AGBL4: variants seen among roughly 807,000 people sequenced by gnomAD.
AGBL4 encodes the protein AGBL carboxypeptidase 4.
In AGBL4, 58 loss-of-function variants were observed where a neutral mutation model predicts 66.4. That is an observed-to-expected ratio of 0.87 (90% CI 0.71 to 1.09). AGBL4 has a LOEUF of 1.09. AGBL4 is among the 50% of genes least tolerant of loss of function. The probability of loss-of-function intolerance (pLI) is 0.00; values close to 1 mark genes in which losing one functional copy is unlikely to be tolerated. For synonymous variants in AGBL4, 234 were observed against 222.9 expected (o/e 1.05, Z -0.44); for missense variants, 579 against 631.0 (o/e 0.92, Z 0.88).
chr1:49,796,117 A>G (rs1228026700), intron 2 of AGBL4, among the ~76,000 whole-genome samples: 1 of 151,934 alleles, frequency 6.6e-6, no homozygotes, highest in Admixed American at 6.6e-5. Context: ...TGGGCAAAAG[A>G]TATGAACAGG....
chr1:49,034,100 C>T (rs1380262171), intron 5 of AGBL4, among the ~76,000 whole-genome samples: 1 of 152,066 alleles, frequency 6.6e-6, no homozygotes, highest in Non-Finnish European at 1.5e-5. Context: ...CCAGCAAGCA[C>T]TCCTTTATCT....
chr1:48,692,431 G>A (rs760345777), intron 6 of AGBL4, among the ~76,000 whole-genome samples: 9 of 152,176 alleles, frequency 5.9e-5, no homozygotes, highest in Non-Finnish European at 1.2e-4. Context: ...GGCTGTGCGC[G>A]CCTGTCTGTC....
chr1:49,655,191 T>C (rs185936715), intron 3 of AGBL4, among the ~76,000 whole-genome samples: 1 of 152,312 alleles, frequency 6.6e-6, no homozygotes, highest in East Asian at 1.9e-4. Context: ...CCTTCACTTT[T>C]ATGAAGCTTA....
chr1:49,207,040 T>A (rs1468455230), intron 4 of AGBL4, among the ~76,000 whole-genome samples: 1 of 152,068 alleles, frequency 6.6e-6, no homozygotes, highest in East Asian at 1.9e-4. Context: ...AATGCACTAT[T>A]CTTAGAAGAA....
rs945922810 is a variant in AGBL4, at chr1:49,845,737, G to T, written c.157+5659C>A. On this transcript the variant is annotated intron_variant, in intron 2 of 13. Transcript: ENST00000371839. Reference sequence around the variant, plus strand: ...TGAGCATCAGAGGATTTACACGGGAGAGAAGCCCTATGGATGCAACGAGTG... The same window carrying T: ...TGAGCATCAGAGGATTTACACGGGATAGAAGCCCTATGGATGCAACGAGTG... The T allele has an allele frequency of 1.9e-6, 3 of 1,592,308 alleles. No homozygotes were observed. The Admixed American group carries it at 5.0e-5, about 27-fold the overall frequency.
At chr1:49,010,482 G>C (rs1345174173) in intron 5 of AGBL4, among the ~76,000 whole-genome samples, 32 of 138,796 alleles carry the variant, frequency 2.3e-4, no homozygotes, top group African/African-American at 7.6e-4. Flanking sequence ...TCAATGCCAT[G>C]CCCATCAAGC....
chr1:49,997,437 C>G (rs1175680069), intron 1 of AGBL4, among the ~76,000 whole-genome samples: 1 of 151,986 alleles, frequency 6.6e-6, no homozygotes, highest in African/African-American at 2.4e-5. Context: ...GACTTTAAAG[C>G]AACAGCAGTT....
intron 3 of AGBL4, among the ~76,000 whole-genome samples, chr1:49,309,236 C>G (rs1644902514): frequency 6.6e-6 from 1 of 151,992 alleles, no homozygotes; most frequent in Non-Finnish European, 1.5e-5. Flanking sequence ...CTGTTGATGG[C>G]AATGATTATT....
chr1:48,716,077 G>A (rs1282622189), intron 6 of AGBL4, among the ~76,000 whole-genome samples: 1 of 152,196 alleles, frequency 6.6e-6, no homozygotes, highest in Non-Finnish European at 1.5e-5. Context: ...CAGTCACGGG[G>A]CATATGGAAA....
chr1:49,170,431 T>G (rs1047636408), intron 4 of AGBL4, among the ~76,000 whole-genome samples: 15 of 141,940 alleles, frequency 1.1e-4, no homozygotes, highest in Non-Finnish European at 1.5e-4. Context: ...TATTTATATA[T>G]AAATAAATAT....
intron 6 of AGBL4, among the ~76,000 whole-genome samples, chr1:48,753,823 G>A (rs990698039): frequency 2.6e-5 from 4 of 152,186 alleles, no homozygotes; most frequent in African/African-American, 9.7e-5. Flanking sequence ...GTGAATTACT[G>A]TTATTACTCT....
chr1:49,252,236 A>C (rs1652124694), intron 3 of AGBL4, among the ~76,000 whole-genome samples: 1 of 152,134 alleles, frequency 6.6e-6, no homozygotes, highest in South Asian at 2.1e-4. Flanking sequence ...GAGCAGAAAA[A>C]CACACTACAA....
chr1:48,586,437 A>G (rs1644821146), intron 11 of AGBL4: 1 of 153,208 alleles, frequency 6.5e-6, no homozygotes, highest in African/African-American at 2.4e-5. Context: ...GGGAAAAAGA[A>G]GTAAGGAAAG....
At chr1:49,553,208 T>C (rs1266804722) in intron 3 of AGBL4, among the ~76,000 whole-genome samples, 1 of 152,238 alleles carries the variant, frequency 6.6e-6, no homozygotes, top group East Asian at 1.9e-4. Context: ...AATCACAATA[T>C]AGATTGTACG....
chr1:49,662,858 A>G (rs1158038031), intron 3 of AGBL4, among the ~76,000 whole-genome samples: 1 of 152,146 alleles, frequency 6.6e-6, no homozygotes, highest in Non-Finnish European at 1.5e-5. Flanking sequence ...AGAAAAGCAC[A>G]TAAGATCAAA....
chr1:49,997,204 C>A (rs903518374), intron 1 of AGBL4, among the ~76,000 whole-genome samples: 2 of 152,114 alleles, frequency 1.3e-5, no homozygotes, highest in African/African-American at 4.8e-5. Context: ...CACCTCACAT[C>A]TCAATACTAA....
chr1:49,331,568 C>G, intron 3 of AGBL4, among the ~76,000 whole-genome samples: 1 of 152,238 alleles, frequency 6.6e-6, no homozygotes. Context: ...AAGCAAGACC[C>G]TGGTCCATTC....
chr1:49,480,432 C>T (rs1434674672), intron 3 of AGBL4, among the ~76,000 whole-genome samples: 2 of 149,734 alleles, frequency 1.3e-5, no homozygotes, highest in Non-Finnish European at 3.0e-5. Context: ...ACTTGCATGT[C>T]TTCTTTTGAG....
intron 3 of AGBL4, among the ~76,000 whole-genome samples, chr1:49,617,027 G>A (rs1231327357): frequency 6.6e-6 from 1 of 151,996 alleles, no homozygotes; most frequent in Non-Finnish European, 1.5e-5. Flanking sequence ...AAATCAGATG[G>A]TGCCACTCCA....
Sources: allele counts gnomAD v4.1 joint callset (sites outside exome capture counted in the v4.1 genomes callset), GRCh38; gene constraint gnomAD v4.1.1; transcripts MANE v1.5; gene names NCBI Gene and HGNC (gene_info 2026-07-23, HGNC 2026-07-21).